The following ANKFY1 variants were observed in gnomAD, a reference collection of about 807,000 sequenced individuals.
ANKFY1 encodes the protein ankyrin repeat and FYVE domain containing 1.
ANKFY1 carries 47 observed loss-of-function variants against 128.3 expected under a neutral mutation model. That is an observed-to-expected ratio of 0.37 (90% CI 0.29 to 0.47). The LOEUF is 0.47. ANKFY1 is among the 20% of genes least tolerant of loss of function. The pLI, the probability that ANKFY1 is intolerant of heterozygous loss-of-function variation, is 1.00. For synonymous variants in ANKFY1, 553 were observed against 601.6 expected, an observed-to-expected ratio of 0.92 and a Z score of 1.18; for missense variants, 1,222 against 1,510.6, an observed-to-expected ratio of 0.81 and a Z score of 3.17.
Position 4,215,867 on chromosome 17 carries a change from C to G in ANKFY1, c.458+1116G>C, listed in dbSNP as rs115266260. ...AACATATAAAGACATAAATCATACTCAATCTAATTAAAATCAGTCTGATTT... is the reference window on the plus strand; with the variant it reads ...AACATATAAAGACATAAATCATACTGAATCTAATTAAAATCAGTCTGATTT... On this transcript the variant is annotated intron_variant, in intron 4 of 24. Coordinates refer to ENST00000341657, the MANE Select transcript of ANKFY1 (RefSeq NM_001330063.2). Among the ~76,000 whole-genome samples, 1,002 of 152,254 alleles carry G rather than the reference C, an allele frequency of 6.6e-3. 6 individuals carry two copies. The highest frequency in any genetic ancestry group is 0.022 in the African/African-American group (933 of 41,540).
intron 19 of ANKFY1, among the ~76,000 whole-genome samples, chr17:4,174,371 T>C (rs1369391152): frequency 2.0e-5 from 3 of 152,158 alleles, no homozygotes; most frequent in Non-Finnish European, 4.4e-5. Context: ...TATCTACGGG[T>C]GTCTACTGCT....
chr17:4,193,886 A>G (rs1034418217), intron 10 of ANKFY1, among the ~76,000 whole-genome samples: 2 of 149,658 alleles, frequency 1.3e-5, no homozygotes, highest in African/African-American at 4.9e-5. Context: ...CAGCGTCCTG[A>G]GTAGCTGGGA....
chr17:4,179,912 G>A (rs199619933), intron 16 of ANKFY1, 35 bp from the exon 17 acceptor site: 438 of 1,612,134 alleles, frequency 2.7e-4, no homozygotes, highest in Middle Eastern at 5.0e-4. Context: ...AAAACGCCAC[G>A]CTTGGACCTG....
chr17:4,210,901 A>G (rs28864167), intron 4 of ANKFY1, among the ~76,000 whole-genome samples: 14,483 of 147,046 alleles, frequency 0.098, 1,860 homozygotes, highest in African/African-American at 0.3. Context: ...GCATGGTGGC[A>G]GGCGCCTGTA....
At chr17:4,250,875 T>A (rs186914021) in intron 1 of ANKFY1, among the ~76,000 whole-genome samples, 128 of 152,270 alleles carry the variant, frequency 8.4e-4, no homozygotes, top group African/African-American at 3.0e-3. Context: ...CCTCAAGGGA[T>A]CCTCCCACTT....
intron 2 of ANKFY1, among the ~76,000 whole-genome samples, chr17:4,238,397 T>G (rs1466036736): frequency 6.6e-6 from 1 of 152,138 alleles, no homozygotes; most frequent in Non-Finnish European, 1.5e-5. Flanking sequence ...TAGTCCCCTA[T>G]GAAGACTCCA....
At chr17:4,205,470 C>T (rs1029966221) in intron 7 of ANKFY1, among the ~76,000 whole-genome samples, 2 of 151,956 alleles carry the variant, frequency 1.3e-5, no homozygotes, top group Non-Finnish European at 2.9e-5. Context: ...TGGGAGGACG[C>T]GGTGGCTCAC....
chr17:4,176,038 C>A (rs77336211), intron 19 of ANKFY1, among the ~76,000 whole-genome samples: 4,037 of 152,258 alleles, frequency 0.027, 115 homozygotes, highest in African/African-American at 0.077. Context: ...GACTTTGGGA[C>A]CCAGCTCCGC....
At chr17:4,243,699 T>C (rs1426860296) in intron 1 of ANKFY1, among the ~76,000 whole-genome samples, 1 of 152,218 alleles carries the variant, frequency 6.6e-6, no homozygotes, top group East Asian at 1.9e-4. Flanking sequence ...CCCTGGCACC[T>C]ATCCTCCTTC....
At chr17:4,222,161 A>G (rs71368163) in intron 3 of ANKFY1, 132,347 of 148,226 alleles carry the variant, frequency 0.89, 60,528 homozygotes, top group South Asian at 0.99. Flanking sequence ...CGCGGCCAGA[A>G]GGCCCCGCCG....
At chr17:4,251,505 A>C (rs923707325) in intron 1 of ANKFY1, among the ~76,000 whole-genome samples, 1 of 149,936 alleles carries the variant, frequency 6.7e-6, no homozygotes, top group African/African-American at 2.4e-5. Context: ...AATCATTGAC[A>C]GGTAAAATTT....
chr17:4,224,948 T>G lies in ANKFY1; in HGVS notation c.323-7830A>C, dbSNP rs1248455322. 3.2e-4 allele frequency among the ~76,000 whole-genome samples: 48 copies of G among 151,942 alleles called. 1 individual carries two copies. Among genetic ancestry groups the G allele is most frequent in the Admixed American group, 3.3e-4 (5 of 15,286 alleles). On this transcript the variant is annotated intron_variant, in intron 3 of 24. Coordinates refer to ENST00000341657, the MANE Select transcript of ANKFY1 (RefSeq NM_001330063.2). ...GTGGGTGCTTGAGTTGTCGTTTTTT[T>G]TTTTTTTTTAAATAAACTGGTAAAT...
At position 4,196,722 on chromosome 17, in the gene ANKFY1, C is replaced by T. The variant is rs540781450; in HGVS notation, c.1103+651G>A. On this transcript the variant is annotated intron_variant, in intron 8 of 24. Coordinates refer to ENST00000341657, the MANE Select transcript of ANKFY1 (RefSeq NM_001330063.2). ...AATTAGAATTTTCTAACAATTAGAC[C>T]TCAATAGTTCTTCAAACTATCCAAG... Among the ~76,000 whole-genome samples, 5 of 152,218 alleles carry T rather than the reference C, an allele frequency of 3.3e-5. No homozygotes were observed. The East Asian group carries it at 7.7e-4, about 23-fold the overall frequency.
chr17:4,246,121 C>T (rs900042153), intron 1 of ANKFY1, among the ~76,000 whole-genome samples: 2 of 152,056 alleles, frequency 1.3e-5, no homozygotes, highest in Admixed American at 6.6e-5. Flanking sequence ...ATTAAGCCAA[C>T]GCAGTAAACC....
At position 4,170,833 on chromosome 17, in the gene ANKFY1, G is replaced by C. The variant is rs372382822; in HGVS notation, c.3168C>G (p.Asn1056Lys). 1 of 1,614,172 alleles carries C rather than the reference G, an allele frequency of 6.2e-7. No homozygotes were observed. The highest frequency in any genetic ancestry group is 1.1e-5 in the South Asian group (1 of 91,086). Residue 1056 changes from asparagine (N) to lysine (K), a missense_variant, in exon 23 of 25, where the codon AAC becomes AAG. Coordinates refer to ENST00000341657, the MANE Select transcript of ANKFY1 (RefSeq NM_001330063.2). ...TVLLLAYMKG[N>K]ANLCRAIVRS... ...GGACGATGGCGCGGCACAAGTTGGC[G>C]TTCCCTTTCATGTATGCCAGGAGCA... is the stretch of plus-strand genomic sequence containing the variant.
At chr17:4,217,724 A>T (rs989066342) in intron 3 of ANKFY1, among the ~76,000 whole-genome samples, 1 of 152,004 alleles carries the variant, frequency 6.6e-6, no homozygotes, top group Non-Finnish European at 1.5e-5. Context: ...TCACTACGTC[A>T]CCCAGGCTGG....
intron 2 of ANKFY1, among the ~76,000 whole-genome samples, chr17:4,241,806 CG>C (rs1408496411): frequency 1.3e-5 from 2 of 151,734 alleles, no homozygotes; most frequent in Non-Finnish European, 2.9e-5. Context: ...AATCTTGCCT[CG>C]GGCCCGGCAC....
At chr17:4,224,224 T>G (rs1474326138) in intron 3 of ANKFY1, among the ~76,000 whole-genome samples, 1 of 132,112 alleles carries the variant, frequency 7.6e-6, no homozygotes, top group African/African-American at 2.8e-5. Flanking sequence ...GTTTTTTTTT[T>G]TTTTTTTTTT....
At chr17:4,205,736 C>T (rs1482854221) in intron 7 of ANKFY1, among the ~76,000 whole-genome samples, 8 of 61,048 alleles carry the variant, frequency 1.3e-4, no homozygotes, top group African/African-American at 3.3e-4. Context: ...AACAAGACTC[C>T]GTCTCAAAAA....
Sources: allele counts gnomAD v4.1 joint callset (sites outside exome capture counted in the v4.1 genomes callset), GRCh38; gene constraint gnomAD v4.1.1; transcripts MANE v1.5; gene names NCBI Gene and HGNC (gene_info 2026-07-23, HGNC 2026-07-21).